The following SPTB variants were observed in gnomAD, a reference collection of about 807,000 sequenced individuals.
SPTB encodes the protein spectrin beta chain, erythrocytic.
In SPTB, 45 loss-of-function variants were observed where a neutral mutation model predicts 256.2. That is an observed-to-expected ratio of 0.18 (90% CI 0.14 to 0.23). The LOEUF (loss-of-function observed/expected upper bound fraction) is 0.23. Among genes scored for constraint, SPTB ranks in the 10% least tolerant of loss-of-function variants. The probability of loss-of-function intolerance (pLI) is 1.00; values close to 1 mark genes in which losing one functional copy is unlikely to be tolerated. For synonymous variants in SPTB, 1,231 were observed against 1,243.1 expected, an observed-to-expected ratio of 0.99 and a Z score of 0.21; for missense variants, 2,715 against 3,040.4, an observed-to-expected ratio of 0.89 and a Z score of 2.52.
chr14:64,761,867 TG>T (rs548496354), intron 32 of SPTB, among the ~76,000 whole-genome samples: 31 of 152,126 alleles, frequency 2.0e-4, no homozygotes, highest in Admixed American at 5.2e-4. Flanking sequence ...TGCCACCCAG[TG>T]GTCACATCGT....
intron 1 of SPTB, among the ~76,000 whole-genome samples, chr14:64,876,905 G>A (rs1045660685): frequency 6.6e-6 from 1 of 152,282 alleles, no homozygotes; most frequent in Non-Finnish European, 1.5e-5. Context: ...AAATGAACTC[G>A]AGTAATAAGA....
intron 1 of SPTB, among the ~76,000 whole-genome samples, chr14:64,837,762 G>A (rs573107541): frequency 2.3e-4 from 35 of 152,096 alleles, no homozygotes; most frequent in East Asian, 7.7e-4. Context: ...CACCACGCCC[G>A]GCTAATTTTT....
chr14:64,814,166 G>A lies in SPTB; in HGVS notation c.148+8781C>T, dbSNP rs111462760. Among the ~76,000 whole-genome samples, 26 of 152,298 alleles carry A rather than the reference G, an allele frequency of 1.7e-4. 1 individual carries two copies. Among genetic ancestry groups the A allele is most frequent in the African/African-American group, 5.8e-4 (24 of 41,552 alleles). On this transcript the variant is annotated intron_variant, in intron 2 of 35. Coordinates refer to ENST00000644917, the MANE Select transcript of SPTB (RefSeq NM_001355436.2). ...ACTGATTTTAAAGTGGTCAGAAGCC[G>A]GGCATGGTAGTGCATGCCTATAGTC... is the stretch of plus-strand genomic sequence containing the variant.
chr14:64,757,862 C>T (rs76863528), intron 32 of SPTB, among the ~76,000 whole-genome samples: 2,708 of 152,256 alleles, frequency 0.018, 82 homozygotes, highest in African/African-American at 0.062. Context: ...GCAGAGACAC[C>T]GATGAGCTCT....
At chr14:64,800,999 A>G (rs1209070067) in intron 7 of SPTB, 131 bp from the exon 8 acceptor site, 1 of 760,590 alleles carries the variant, frequency 1.3e-6, no homozygotes, top group Non-Finnish European at 2.3e-6. Flanking sequence ...CAGAGCAAGA[A>G]TGGAAGAGTG....
chr14:64,820,072 G>A (rs1005937439), intron 2 of SPTB, among the ~76,000 whole-genome samples: 3 of 152,120 alleles, frequency 2.0e-5, no homozygotes, highest in Non-Finnish European at 2.9e-5. Context: ...AGAAGAAGAC[G>A]CCAGGCCAGT....
At position 64,775,029 on chromosome 14, in the gene SPTB, C is replaced by T; in HGVS notation, c.4842+96G>A. 2.5e-6 allele frequency: 4 copies of T among 1,574,872 alleles called. No homozygotes were observed. The highest frequency in any genetic ancestry group is 1.1e-5 in the South Asian group (1 of 89,726). On this transcript the variant is annotated intron_variant, in intron 23 of 35. Coordinates refer to ENST00000644917, the MANE Select transcript of SPTB (RefSeq NM_001355436.2). The surrounding 1 kb of genome is among the most constrained non-coding windows in gnomAD (Gnocchi z 5.0). ...GTGCCCCTCCCCTGGCCTCACTCCTCACACAGTTGGACTCACAAGGCTCCC... is the reference window on the plus strand; with the variant it reads ...GTGCCCCTCCCCTGGCCTCACTCCTTACACAGTTGGACTCACAAGGCTCCC...
At chr14:64,763,086 T>G (rs770012495) in intron 32 of SPTB, among the ~76,000 whole-genome samples, 1 of 152,146 alleles carries the variant, frequency 6.6e-6, no homozygotes, top group Non-Finnish European at 1.5e-5. Flanking sequence ...ACTTGCAGCA[T>G]CATCAACACC....
intron 32 of SPTB, chr14:64,755,334 C>T (rs1418256029): frequency 6.6e-6 from 1 of 152,172 alleles, no homozygotes; most frequent in Non-Finnish European, 1.5e-5. Context: ...TGACCAGGGT[C>T]TGCCTGAGGT....
At position 64,826,051 on chromosome 14, in the gene SPTB, G is replaced by T. The variant is rs2083373965; in HGVS notation, c.-51-2906C>A. Among the ~76,000 whole-genome samples the T allele has an allele frequency of 1.3e-5, 2 of 152,346 alleles. No homozygotes were observed. The highest frequency in any genetic ancestry group is 4.8e-5 in the African/African-American group (2 of 41,568). ...CACCAAGGAAAGATGATTCAGAAATGAAAGTGAGGCCCCTTTCCTTGTGCC... is the reference window on the plus strand; with the variant it reads ...CACCAAGGAAAGATGATTCAGAAATTAAAGTGAGGCCCCTTTCCTTGTGCC... On this transcript the variant is annotated intron_variant, in intron 1 of 35. Transcript: ENST00000644917. This position sits in a 1 kb window ranked among gnomAD's most constrained non-coding sequence, Gnocchi z 4.4.
Position 64,782,460 on chromosome 14 carries a change from C to T in SPTB, c.4096G>A (p.Ala1366Thr), listed in dbSNP as rs753842456. ...TGCTGGGTCTTCTCCTTTGTGGTGG[C>T]CTGCAGCTCGTCCCAGAGCCGGTGC... ...ALHRLWDELQ[A>T]TTKEKTQHLS... Residue 1366 changes from alanine to threonine, a missense_variant, in exon 20 of 36, where the codon GCC becomes ACC. This residue lies in a region of SPTB where 2,239 missense variants were observed against 2,384.4 expected (regional missense o/e 0.94). Coordinates refer to ENST00000644917, the MANE Select transcript of SPTB (RefSeq NM_001355436.2). The T allele has an allele frequency of 1.2e-6, 2 of 1,614,106 alleles. No individual in the cohort carries two copies. The highest frequency in any genetic ancestry group is 8.5e-7 in the Non-Finnish European group (1 of 1,180,040).
chr14:64,809,374 C>T (rs2083045901), intron 2 of SPTB, among the ~76,000 whole-genome samples: 1 of 150,986 alleles, frequency 6.6e-6, no homozygotes, highest in African/African-American at 2.4e-5. Flanking sequence ...GAGATGGAGT[C>T]TCGCTCTGTT....
intron 15 of SPTB, among the ~76,000 whole-genome samples, chr14:64,787,882 G>A (rs534726550): frequency 2.0e-5 from 3 of 152,350 alleles, no homozygotes; most frequent in African/African-American, 7.2e-5. Context: ...GACCACTAGG[G>A]ACACTGCCCT....
Position 64,749,227 on chromosome 14 carries a change from C to T in SPTB, c.*79G>A, listed in dbSNP as rs1594730256. On this transcript the variant is annotated 3_prime_UTR_variant, in exon 36 of 36. Transcript: ENST00000644917. The surrounding 1 kb of genome is among the most constrained non-coding windows in gnomAD (Gnocchi z 4.7). The stretch of plus-strand genomic sequence containing the variant: ...GACTCATCTCGATTCGACCGGCGGG[C>T]GGCGGCGAGAGGAGGCCAAGGCCTG... The T allele has an allele frequency of 2.0e-6, 3 of 1,491,962 alleles. No homozygotes were observed. The highest frequency in any genetic ancestry group is 2.0e-5 in the Admixed American group (1 of 50,346). 92.4% of individuals were successfully genotyped at this position (1,491,962 alleles called of 1,614,324 possible).
intron 1 of SPTB, among the ~76,000 whole-genome samples, chr14:64,837,665 G>A (rs4576996): frequency 0.055 from 8,384 of 152,196 alleles, 309 homozygotes; most frequent in Middle Eastern, 0.085. Flanking sequence ...GCAGTGGTGC[G>A]ATCTCAGCTC....
At position 64,750,131 on chromosome 14, in the gene SPTB, A is replaced by G. The variant is rs2139418619; in HGVS notation, c.6626T>C (p.Val2209Ala). The G allele has an allele frequency of 6.2e-7, 1 of 1,614,148 alleles. No homozygotes were observed. Among genetic ancestry groups the G allele is most frequent in the Admixed American group, 1.7e-5 (1 of 60,024 alleles). The change falls in exon 34 of 36, where the codon GTG becomes GCG. Residue 2209 changes from valine (V) to alanine (A), a missense_variant. Val to Ala is a moderately conservative substitution (Grantham distance 64). Transcript: ENST00000644917. ...GAAGGTTAGCTCACTGTTCCTGAGC[A>G]CACAGTACAGGTTGTTCCAGGACCT... The part of the protein sequence containing the change: ...SNRSWNNLYC[V>A]LRNSELTFYK...
At position 64,747,033 on chromosome 14, in the gene SPTB, TG is replaced by T. The variant is rs1172679284; in HGVS notation, c.*2272del. ...GAGCCTGGGTGACAGGAGGGATGTG[TG>T]GGGAGCTGGCAACAGAATGGTCACA... On this transcript the variant is annotated 3_prime_UTR_variant, in exon 36 of 36. Coordinates refer to ENST00000644917, the MANE Select transcript of SPTB (RefSeq NM_001355436.2). The T allele has an allele frequency of 2.0e-5, 3 of 152,586 alleles. No homozygotes were observed. Among genetic ancestry groups the T allele is most frequent in the South Asian group, 4.1e-4 (2 of 4,830 alleles). The allele number at this position is 152,586 out of a possible 1,614,324, so 9.5% of individuals were successfully genotyped here. A position where few individuals can be genotyped will look rare whatever the true frequency, so the allele number is the denominator to read the frequency against.
chr14:64,873,182 T>C lies in SPTB; in HGVS notation c.-52+6610A>G, dbSNP rs1366260678. Among the ~76,000 whole-genome samples the C allele has an allele frequency of 6.6e-6, 1 of 152,222 alleles. No individual in the cohort carries two copies. The highest frequency in any genetic ancestry group is 1.5e-5 in the Non-Finnish European group (1 of 68,040). On this transcript the variant is annotated intron_variant, in intron 1 of 35. Transcript: ENST00000644917. The surrounding 1 kb of genome is among the most constrained non-coding windows in gnomAD (Gnocchi z 4.3). Reference sequence around the variant, plus strand: ...CTTCATATTGCTTTATTTTTCTTTTTAGCACTTGAAATTACAATATATATT... The same window carrying C: ...CTTCATATTGCTTTATTTTTCTTTTCAGCACTTGAAATTACAATATATATT...
intron 32 of SPTB, among the ~76,000 whole-genome samples, chr14:64,763,026 G>A (rs540576489): frequency 6.6e-6 from 1 of 152,366 alleles, no homozygotes; most frequent in South Asian, 2.1e-4. Flanking sequence ...CAGGCACAGT[G>A]GACAGGAAGA....
Sources: allele counts gnomAD v4.1 joint callset (sites outside exome capture counted in the v4.1 genomes callset), GRCh38; gene constraint gnomAD v4.1.1; regional missense constraint gnomAD v4.1.1; non-coding constraint Gnocchi (gnomAD v3.1); transcripts MANE v1.5; gene names NCBI Gene and HGNC (gene_info 2026-07-23, HGNC 2026-07-21).